GPC6: variants seen among roughly 807,000 people sequenced by gnomAD.
GPC6 encodes glypican-6.
GPC6 carries 14 observed loss-of-function variants against 55.2 expected under a neutral mutation model. The ratio of observed to expected loss-of-function variants is 0.25; its 90% CI spans 0.17 to 0.40. GPC6 has a LOEUF of 0.40. GPC6 is among the 10% of genes least tolerant of loss of function. The pLI, the probability that GPC6 is intolerant of heterozygous loss-of-function variation, is 1.00. For missense variants in GPC6, 641 were observed against 708.5 expected, an observed-to-expected ratio of 0.90 and a Z score of 1.08; for synonymous variants, 278 against 259.6, an observed-to-expected ratio of 1.07 and a Z score of -0.68.
At chr13:93,322,941 C>A (rs1193311964) in intron 1 of GPC6, among the ~76,000 whole-genome samples, 5 of 151,924 alleles carry the variant, frequency 3.3e-5, no homozygotes, top group South Asian at 2.1e-4. Flanking sequence ...CCTCCCCTAG[C>A]CCCCCACACC....
chr13:93,234,223 G>T (rs1876155635), intron 1 of GPC6, among the ~76,000 whole-genome samples: 2 of 152,096 alleles, frequency 1.3e-5, no homozygotes. Context: ...CTGCCCTTTT[G>T]GGTGGTGGCC....
At chr13:93,235,008 T>C (rs1447814956) in intron 1 of GPC6, among the ~76,000 whole-genome samples, 1 of 152,176 alleles carries the variant, frequency 6.6e-6, no homozygotes, top group Non-Finnish European at 1.5e-5. Context: ...CTTTCTGCTC[T>C]GTCAGTGAAA....
At chr13:93,450,324 A>C (rs896184850) in intron 1 of GPC6, among the ~76,000 whole-genome samples, 1 of 152,220 alleles carries the variant, frequency 6.6e-6, no homozygotes, top group African/African-American at 2.4e-5. Flanking sequence ...TTAGCAATAC[A>C]CTGGCTTCCT....
intron 3 of GPC6, among the ~76,000 whole-genome samples, chr13:93,854,056 G>T (rs1888513628): frequency 6.6e-6 from 1 of 151,300 alleles, no homozygotes; most frequent in Admixed American, 6.6e-5. Flanking sequence ...ACAAAACAAA[G>T]AAAATAAAGA....
At chr13:93,289,726 G>A (rs9516208) in intron 1 of GPC6, among the ~76,000 whole-genome samples, 37,494 of 151,960 alleles carry the variant, frequency 0.25, 4,836 homozygotes, top group African/African-American at 0.31. Context: ...ATTTTGAGCC[G>A]TTTGAGATGT....
At chr13:93,492,727 A>G (rs1359375096) in intron 1 of GPC6, among the ~76,000 whole-genome samples, 1 of 151,360 alleles carries the variant, frequency 6.6e-6, no homozygotes, top group African/African-American at 2.4e-5. Context: ...AGTTTTTAGC[A>G]TGAAGGGTTG....
intron 2 of GPC6, among the ~76,000 whole-genome samples, chr13:93,610,693 C>A: frequency 6.6e-6 from 1 of 152,114 alleles, no homozygotes; most frequent in East Asian, 1.9e-4. Context: ...ATTTTATATA[C>A]ATATGTACCT....
intron 3 of GPC6, among the ~76,000 whole-genome samples, chr13:94,013,342 GTTT>G (rs992004414): frequency 6.6e-6 from 1 of 151,418 alleles, no homozygotes; most frequent in East Asian, 1.9e-4. Flanking sequence ...ATGTGTTTTT[GTTT>G]TTTGCTTTTT....
chr13:94,129,919 T>A (rs2138864387), intron 4 of GPC6, among the ~76,000 whole-genome samples: 1 of 152,282 alleles, frequency 6.6e-6, no homozygotes, highest in East Asian at 1.9e-4. Context: ...AGGCAGGGTC[T>A]GTATGTTACA....
intron 1 of GPC6, among the ~76,000 whole-genome samples, chr13:93,283,173 G>A (rs1878002957): frequency 6.6e-6 from 1 of 152,142 alleles, no homozygotes; most frequent in Non-Finnish European, 1.5e-5. Context: ...TGCTATGGTG[G>A]AAGAGGGTTT....
intron 4 of GPC6, among the ~76,000 whole-genome samples, chr13:94,238,393 A>C (rs1195972098): frequency 6.6e-6 from 1 of 152,116 alleles, no homozygotes; most frequent in Non-Finnish European, 1.5e-5. Flanking sequence ...ATTTGCTTAG[A>C]AGCTGGAGAA....
At chr13:93,884,212 G>A (rs1279656144) in intron 3 of GPC6, among the ~76,000 whole-genome samples, 1 of 152,036 alleles carries the variant, frequency 6.6e-6, no homozygotes, top group Non-Finnish European at 1.5e-5. Context: ...TCATTCTAAG[G>A]CGAACTGTTT....
intron 1 of GPC6, among the ~76,000 whole-genome samples, chr13:93,378,738 G>A (rs530361548): frequency 6.6e-6 from 1 of 152,234 alleles, no homozygotes; most frequent in South Asian, 2.1e-4. Context: ...GCTCACGCTT[G>A]TAATCCCACC....
At chr13:93,455,163 C>G (rs1365947264) in intron 1 of GPC6, among the ~76,000 whole-genome samples, 2 of 152,166 alleles carry the variant, frequency 1.3e-5, no homozygotes, top group Admixed American at 6.5e-5. Context: ...CCGCTTGCGC[C>G]TCTCCCTCCA....
intron 4 of GPC6, among the ~76,000 whole-genome samples, chr13:94,224,393 T>C (rs187638124): frequency 1.1e-3 from 171 of 152,084 alleles, no homozygotes; most frequent in Non-Finnish European, 2.0e-3. Context: ...CAAGACACTT[T>C]TGTAACTGAT....
In GPC6 at chr13:94,286,450, C is replaced by A; in HGVS notation, c.979C>A (p.Gln327Lys). 6.2e-7 allele frequency: 1 copy of A among 1,613,518 alleles called. No homozygotes were observed. Among genetic ancestry groups the A allele is most frequent in the Non-Finnish European group, 8.5e-7 (1 of 1,179,594 alleles). Residue 327 changes from glutamine (Q) to lysine (K), a missense_variant, in exon 5 of 9, where the codon CAA becomes AAA. Gln to Lys is a moderately conservative substitution (Grantham distance 53). Transcript: ENST00000377047. ...VKISEAIMNM[Q>K]ENSMQVSAKV... ...GATTTCTGAAGCCATTATGAACATG[C>A]AAGAAAACAGCATGCAGGTGTCTGC...
chr13:94,020,920 A>T (rs117275237), intron 3 of GPC6, among the ~76,000 whole-genome samples: 8,503 of 152,240 alleles, frequency 0.056, 295 homozygotes, highest in South Asian at 0.094. Flanking sequence ...TATTTAACAC[A>T]AAAGATACTT....
intron 1 of GPC6, among the ~76,000 whole-genome samples, chr13:93,482,830 AT>A (rs1879568968): frequency 6.6e-6 from 1 of 152,162 alleles, no homozygotes; most frequent in Non-Finnish European, 1.5e-5. Context: ...ATCAAATAGT[AT>A]TTATTTTCAT....
intron 3 of GPC6, among the ~76,000 whole-genome samples, chr13:93,945,489 C>T (rs1353736832): frequency 6.6e-6 from 1 of 152,088 alleles, no homozygotes; most frequent in Non-Finnish European, 1.5e-5. Flanking sequence ...CAAGGTGAAG[C>T]GCAGGCAGGC....
Sources: gnomAD v4.1 joint callset for allele counts (sites outside exome capture counted in the v4.1 genomes callset) on GRCh38, gnomAD v4.1.1 for gene constraint, MANE v1.5 for transcripts, NCBI Gene and HGNC (gene_info 2026-07-23, HGNC 2026-07-21) for gene names.